Variants in FMN1 observed in about 807,000 individuals in gnomAD.
The protein encoded by FMN1 is formin-1.
Under a neutral mutation model 132.4 loss-of-function variants are expected in FMN1, and 110 were observed. That is an observed-to-expected ratio of 0.83 (90% CI 0.71 to 0.97). The LOEUF (loss-of-function observed/expected upper bound fraction) is 0.97, where lower values mean the gene tolerates loss of function less well. Among genes scored for constraint, FMN1 ranks in the 50% least tolerant of loss-of-function variants. The pLI, the probability that FMN1 is intolerant of heterozygous loss-of-function variation, is 0.00. For missense variants in FMN1, 1,792 were observed against 1,705.3 expected (o/e 1.05, Z -0.90); for synonymous variants, 722 against 651.7 (o/e 1.11, Z -1.64).
intron 6 of FMN1, among the ~76,000 whole-genome samples, chr15:33,030,939 A>G (rs1266899177): frequency 1.3e-5 from 2 of 152,018 alleles, no homozygotes; most frequent in East Asian, 3.9e-4. Flanking sequence ...GGTCATCTAC[A>G]TTGGGTATTT....
chr15:32,872,969 A>G (rs2059551833), intron 16 of FMN1, among the ~76,000 whole-genome samples: 1 of 152,264 alleles, frequency 6.6e-6, no homozygotes, highest in African/African-American at 2.4e-5. Flanking sequence ...TTATTTTTAA[A>G]ACACACAACC....
chr15:32,965,062 A>C (rs932999156), intron 8 of FMN1, among the ~76,000 whole-genome samples: 2 of 152,166 alleles, frequency 1.3e-5, no homozygotes, highest in Non-Finnish European at 2.9e-5. Flanking sequence ...GTCAGAACAC[A>C]TCTCCCAAAT....
intron 4 of FMN1, among the ~76,000 whole-genome samples, chr15:33,133,223 C>G (rs1963622828): frequency 6.6e-6 from 1 of 152,134 alleles, no homozygotes; most frequent in African/African-American, 2.4e-5. Flanking sequence ...CAAGGCACAG[C>G]CATCAACAAA....
intron 20 of FMN1, 32 bp downstream of exon 20, chr15:32,776,803 A>G: frequency 7.3e-7 from 1 of 1,363,522 alleles, no homozygotes; most frequent in Admixed American, 1.9e-5. Context: ...TTTCATGACA[A>G]TCGTTAGATT....
At chr15:32,905,041 A>C (rs1487000894) in intron 12 of FMN1, among the ~76,000 whole-genome samples, 1 of 152,236 alleles carries the variant, frequency 6.6e-6, no homozygotes, top group African/African-American at 2.4e-5. Flanking sequence ...GTAAGAAAGA[A>C]GACTAAATAT....
intron 9 of FMN1, among the ~76,000 whole-genome samples, chr15:32,956,760 C>T (rs1428286257): frequency 2.6e-5 from 4 of 152,062 alleles, no homozygotes; most frequent in Non-Finnish European, 5.9e-5. Flanking sequence ...TTCCTTACAC[C>T]GAGGGAGCCC....
chr15:33,069,022 C>T (rs1409005134), intron 5 of FMN1, among the ~76,000 whole-genome samples: 1 of 152,210 alleles, frequency 6.6e-6, no homozygotes, highest in Non-Finnish European at 1.5e-5. Context: ...GTGTAACACA[C>T]AACCTGCCCT....
intron 4 of FMN1, among the ~76,000 whole-genome samples, chr15:33,148,449 C>G (rs1382889433): frequency 1.3e-5 from 2 of 152,194 alleles, no homozygotes. Context: ...CTGCTCTTGG[C>G]CCTGGAAGGC....
chr15:32,827,412 T>C (rs1219592825), intron 17 of FMN1, among the ~76,000 whole-genome samples: 2 of 152,214 alleles, frequency 1.3e-5, no homozygotes, highest in African/African-American at 4.8e-5. Context: ...AAACAAAGAA[T>C]GATCAAGGAA....
At chr15:32,807,119 G>A (rs1042550729) in intron 17 of FMN1, among the ~76,000 whole-genome samples, 29 of 152,166 alleles carry the variant, frequency 1.9e-4, no homozygotes, top group African/African-American at 7.0e-4. Context: ...CTTAAAAAGA[G>A]ATATACTGGC....
At chr15:33,018,014 G>A (rs989572177) in intron 6 of FMN1, among the ~76,000 whole-genome samples, 5 of 150,028 alleles carry the variant, frequency 3.3e-5, no homozygotes, top group African/African-American at 7.4e-5. Context: ...GCAGTGAGCC[G>A]AGATCACACC....
At chr15:33,116,533 C>G (rs889793894) in intron 4 of FMN1, among the ~76,000 whole-genome samples, 11 of 152,130 alleles carry the variant, frequency 7.2e-5, no homozygotes, top group Non-Finnish European at 1.5e-4. Flanking sequence ...ATTCAAGAAT[C>G]GTTCTTTGCT....
At chr15:32,803,030 T>G (rs2057532592) in intron 18 of FMN1, among the ~76,000 whole-genome samples, 1 of 152,150 alleles carries the variant, frequency 6.6e-6, no homozygotes. Flanking sequence ...GTAATTACAG[T>G]GGGAAGCAGG....
chr15:32,826,825 T>C (rs1373936953), intron 17 of FMN1, among the ~76,000 whole-genome samples: 2 of 152,238 alleles, frequency 1.3e-5, no homozygotes, highest in Non-Finnish European at 2.9e-5. Context: ...TTCTCTTATG[T>C]CCTTCCCAGT....
rs114530147 is a variant in FMN1 at position 32,924,755 on chromosome 15, A to G, written c.3226+1419T>C. On this transcript the variant is annotated intron_variant, in intron 10 of 20. Transcript: ENST00000616417. The stretch of plus-strand genomic sequence containing the variant: ...ACCAACATGGAGAAGCCCCATCTCT[A>G]CTTAAAAAATTAGCTGTATGTTATG... Among the ~76,000 whole-genome samples, 145 of 152,344 alleles carry G rather than the reference A, an allele frequency of 9.5e-4. No homozygotes were observed. The Middle Eastern group carries it at 0.014, about 14-fold the overall frequency.
chr15:32,776,687 CTTTTTTT>C, intron 20 of FMN1, 141 bp downstream of exon 20: 1 of 453,988 alleles, frequency 2.2e-6, no homozygotes, highest in Non-Finnish European at 3.8e-6. Context: ...CCCACACATA[CTTTTTTT>C]TTTTTTTTTT....
In FMN1 at chr15:32,882,643, A is replaced by T. The variant is rs141019368; in HGVS notation, c.3835+5529T>A. Among the ~76,000 whole-genome samples, 1,445 of 152,330 alleles carry T rather than the reference A, an allele frequency of 9.5e-3. 21 individuals carry two copies. Among genetic ancestry groups the T allele is most frequent in the African/African-American group, 0.033 (1,377 of 41,562 alleles). ...GATTCTCTACAGACATGCCAGATAA[A>T]AAACAGTACACCAAGTTAAATTAGA... On this transcript the variant is annotated intron_variant, in intron 16 of 20. Coordinates refer to ENST00000616417, the MANE Select transcript of FMN1 (RefSeq NM_001277313.2).
chr15:32,853,439 T>G (rs2059054729), intron 17 of FMN1, among the ~76,000 whole-genome samples: 1 of 152,230 alleles, frequency 6.6e-6, no homozygotes. Flanking sequence ...ATAATGGTAT[T>G]TCTTACAATA....
At chr15:33,093,941 T>C (rs531555906) in intron 4 of FMN1, among the ~76,000 whole-genome samples, 1 of 152,326 alleles carries the variant, frequency 6.6e-6, no homozygotes, top group South Asian at 2.1e-4. Flanking sequence ...ACATGCTCAT[T>C]TTATAGTTGA....
Sources: allele counts gnomAD v4.1 joint callset (sites outside exome capture counted in the v4.1 genomes callset), GRCh38; gene constraint gnomAD v4.1.1; transcripts MANE v1.5; gene names NCBI Gene and HGNC (gene_info 2026-07-23, HGNC 2026-07-21).